Variants in ZFAT observed in about 807,000 individuals in gnomAD.
ZFAT encodes zinc finger protein ZFAT.
ZFAT carries 64 observed loss-of-function variants against 117.7 expected under a neutral mutation model. The ratio of observed to expected loss-of-function variants is 0.54; its 90% CI spans 0.44 to 0.67. The LOEUF is 0.67. ZFAT is among the 30% of genes least tolerant of loss of function. The pLI is 0.00. For missense variants in ZFAT, 1,433 were observed against 1,584.5 expected (o/e 0.90, Z 1.62); for synonymous variants, 679 against 615.0 (o/e 1.10, Z -1.54).
At chr8:134,827,459 T>C in the ZFAT span, among the ~76,000 whole-genome samples, 2 of 152,172 alleles carry the variant, frequency 1.3e-5, no homozygotes, top group African/African-American at 2.4e-5. Flanking sequence ...TATTAGATAA[T>C]ATTTTATGCT....
chr8:134,813,143 A>C, the ZFAT span, among the ~76,000 whole-genome samples: 1 of 152,236 alleles, frequency 6.6e-6, no homozygotes, highest in East Asian at 1.9e-4. Flanking sequence ...TTTCACAGAA[A>C]ATACTTGCAA....
Position 134,520,892 on chromosome 8 carries a change from G to A in ZFAT, c.3225C>T (p.Pro1075=). The A allele has an allele frequency of 6.2e-7, 1 of 1,613,346 alleles. No individual in the cohort carries two copies. The highest frequency in any genetic ancestry group is 2.2e-5 in the East Asian group (1 of 44,860). ...TACTTAAAAAAATTACCTCCCACTTGGGGTCTCCATCAATTTCCACCACCT... is the reference window on the plus strand; with the variant it reads ...TACTTAAAAAAATTACCTCCCACTTAGGGTCTCCATCAATTTCCACCACCT... ...GLKVVEIDGD[P]KWETATEAPE... is the part of the protein sequence containing the mutation. Residue 1075 remains proline, a synonymous_variant, in exon 13 of 16, where the codon CCC becomes CCT. Coordinates refer to ENST00000377838, the MANE Select transcript of ZFAT (RefSeq NM_020863.4).
At chr8:134,581,703 G>T (rs1209692657) in intron 10 of ZFAT, among the ~76,000 whole-genome samples, 1 of 152,132 alleles carries the variant, frequency 6.6e-6, no homozygotes, top group South Asian at 2.1e-4. Context: ...TCCCACCTCA[G>T]CCTACCAAGT....
rs115707659 is a variant in ZFAT, at chr8:134,540,649, G to A, written c.2977-7677C>T. 8.7e-3 allele frequency among the ~76,000 whole-genome samples: 1,316 copies of A among 152,100 alleles called. 15 individuals carry two copies. The highest frequency in any genetic ancestry group is 0.03 in the African/African-American group (1,235 of 41,482). On this transcript the variant is annotated intron_variant, in intron 11 of 15. Transcript: ENST00000377838. ...TACCTACTTATACATCAACTGCCCCGGACTCACTCCTCTAAATGTAAGTAA... is the reference window on the plus strand; with the variant it reads ...TACCTACTTATACATCAACTGCCCCAGACTCACTCCTCTAAATGTAAGTAA...
chr8:134,638,653 G>A (rs1266193282), intron 2 of ZFAT, among the ~76,000 whole-genome samples: 2 of 151,678 alleles, frequency 1.3e-5, no homozygotes, highest in Non-Finnish European at 2.9e-5. Flanking sequence ...GGCGTGAACT[G>A]GGAGGCAGAG....
chr8:134,516,893 G>C (rs1170886214), intron 13 of ZFAT, among the ~76,000 whole-genome samples: 6 of 152,220 alleles, frequency 3.9e-5, no homozygotes, highest in African/African-American at 1.4e-4. Flanking sequence ...ACAATGGCTT[G>C]ATTCTTGGTC....
At chr8:134,779,858 G>T in the ZFAT span, among the ~76,000 whole-genome samples, 1 of 151,928 alleles carries the variant, frequency 6.6e-6, no homozygotes, top group African/African-American at 2.4e-5. Flanking sequence ...TTTTATACCC[G>T]CAACCCTGAA....
intron 13 of ZFAT, among the ~76,000 whole-genome samples, chr8:134,519,779 T>C (rs1408784708): frequency 6.6e-6 from 1 of 152,206 alleles, no homozygotes; most frequent in African/African-American, 2.4e-5. Flanking sequence ...GGAAACACTC[T>C]AGTGTTTCCC....
chr8:134,649,410 T>C (rs1831103129), intron 2 of ZFAT, among the ~76,000 whole-genome samples: 1 of 152,118 alleles, frequency 6.6e-6, no homozygotes, highest in Admixed American at 6.6e-5. Flanking sequence ...ATGTAAAGAC[T>C]CCTGAGGAAT....
At chr8:134,653,355 T>C (rs554714459) in intron 2 of ZFAT, among the ~76,000 whole-genome samples, 2 of 145,604 alleles carry the variant, frequency 1.4e-5, no homozygotes, top group East Asian at 2.1e-4. Context: ...CAGCTCACTG[T>C]AGCCTCAACA....
At chr8:134,754,287 A>G in the ZFAT span, among the ~76,000 whole-genome samples, 1 of 152,216 alleles carries the variant, frequency 6.6e-6, no homozygotes, top group African/African-American at 2.4e-5. Context: ...TAGAACAAAT[A>G]CTGAGGAGAA....
intron 2 of ZFAT, chr8:134,639,919 G>C: frequency 8.1e-6 from 3 of 372,620 alleles, no homozygotes; most frequent in Middle Eastern, 4.0e-4. Context: ...ATGTGATTGT[G>C]AGTGAAGAAT....
At position 134,620,059 on chromosome 8, in the gene ZFAT, G is replaced by A. The variant is rs918532544; in HGVS notation, c.449-9404C>T. On this transcript the variant is annotated intron_variant, in intron 3 of 15. Transcript: ENST00000377838. ...GTCAAATGGCAAAGTGTAATACTGT[G>A]TTAAGGTGCTGGAGAGAACAGAGGG... Among the ~76,000 whole-genome samples the A allele has an allele frequency of 4.6e-5, 7 of 152,328 alleles. No homozygotes were observed. The East Asian group carries it at 7.7e-4, about 17-fold the overall frequency.
At chr8:134,743,217 G>C in the ZFAT span, among the ~76,000 whole-genome samples, 1 of 152,160 alleles carries the variant, frequency 6.6e-6, no homozygotes, top group African/African-American at 2.4e-5. Context: ...TGCCAGGTGT[G>C]GTGGCTCATG....
the ZFAT span, among the ~76,000 whole-genome samples, chr8:134,718,627 G>A: frequency 6.6e-6 from 1 of 152,132 alleles, no homozygotes; most frequent in Non-Finnish European, 1.5e-5. Context: ...GCAAAGAAAC[G>A]GAAAACCAGG....
chr8:134,532,091 C>A (rs1302232797), intron 12 of ZFAT, among the ~76,000 whole-genome samples: 1 of 152,164 alleles, frequency 6.6e-6, no homozygotes, highest in East Asian at 1.9e-4. Context: ...GGTAACAGCA[C>A]ATAAGCTAAG....
At chr8:134,658,071 C>T (rs192290610) in intron 1 of ZFAT, among the ~76,000 whole-genome samples, 6 of 152,308 alleles carry the variant, frequency 3.9e-5, no homozygotes, top group Non-Finnish European at 7.3e-5. Context: ...GGCGCGGTGG[C>T]GCACGCCTGT....
At chr8:134,525,060 T>A (rs1820926302) in intron 12 of ZFAT, among the ~76,000 whole-genome samples, 1 of 152,176 alleles carries the variant, frequency 6.6e-6, no homozygotes. Flanking sequence ...CTAACACACA[T>A]CCTTAACCCC....
the ZFAT span, chr8:134,785,060 A>G: frequency 6.6e-6 from 1 of 152,228 alleles, no homozygotes; most frequent in African/African-American, 2.4e-5. Flanking sequence ...CAACTTTACT[A>G]AAGTATGAAT....
Sources: gnomAD v4.1 joint callset for allele counts (sites outside exome capture counted in the v4.1 genomes callset) on GRCh38, gnomAD v4.1.1 for gene constraint, MANE v1.5 for transcripts, NCBI Gene and HGNC (gene_info 2026-07-23, HGNC 2026-07-21) for gene names.